ESPNL: variants seen among roughly 807,000 people sequenced by gnomAD.
ESPNL encodes espin like.
In ESPNL, 49 loss-of-function variants were observed where a neutral mutation model predicts 46.8. The observed-to-expected ratio is 1.05, with a 90% CI of 0.83 to 1.33. ESPNL has a LOEUF of 1.33. ESPNL is among the 40% of genes most tolerant of loss of function. ESPNL has a pLI of 0.00. For synonymous variants in ESPNL, 664 were observed against 662.1 expected (o/e 1.00, Z -0.04); for missense variants, 1,540 against 1,436.6 (o/e 1.07, Z -1.16).
rs369619635 is a variant in ESPNL, at chr2:238,130,068, A to G, written c.1414-60A>G. The G allele has an allele frequency of 5.0e-5, 77 of 1,548,008 alleles. 1 individual carries two copies. The South Asian group carries it at 6.6e-4, about 13-fold the overall frequency. On this transcript the variant is annotated intron_variant, in intron 8 of 8. Coordinates refer to ENST00000343063, the MANE Select transcript of ESPNL (RefSeq NM_194312.4). ...CTGAGAACTCAGGGACTTGGAAGCT[A>G]GGTGGGCTGATGGTGGGTGGGTGGG... is the stretch of plus-strand genomic sequence containing the variant.
Position 238,128,837 on chromosome 2 carries a change from G to A in ESPNL, c.1346G>A (p.Trp449Ter). The change falls in exon 8 of 9, where the codon TGG (tryptophan) becomes TAG (stop). Residue 449 changes from tryptophan (W) to a stop codon, truncating the protein, a stop_gained. Transcript: ENST00000343063. LOFTEE classifies it high-confidence loss of function. ...RDERGQPIPE[W>*]KRQVMVRKLQ... ...GAGCGCGGCCAGCCCATCCCAGAGT[G>A]GAAGCGGCAGGTGATGGTGCGGAAG... is the stretch of plus-strand genomic sequence containing the variant. The A allele has an allele frequency of 6.5e-7, 1 of 1,549,444 alleles. No homozygotes were observed. The highest frequency in any genetic ancestry group is 8.7e-7 in the Non-Finnish European group (1 of 1,147,148).
intron 5 of ESPNL, among the ~76,000 whole-genome samples, chr2:238,119,462 A>AAGGAGGAATGGATGGAGGAGGTGGATGG (rs1691931664): frequency 1.3e-5 from 1 of 79,802 alleles, no homozygotes; most frequent in Admixed American, 1.2e-4. Context: ...AGGTTAGATG[A>AAGGAGGAATGGATGGAGGAGGTGGATGG]AGGAGGAATG....
At chr2:238,125,462 T>G in intron 6 of ESPNL, 78 bp downstream of exon 6, 1 of 821,328 alleles carries the variant, frequency 1.2e-6, no homozygotes, top group Non-Finnish European at 1.8e-6. Context: ...TCCGAGGTCC[T>G]GGACCGGTGG....
rs1394176704 is a variant in ESPNL at position 238,131,401 on chromosome 2, C to A, written c.2687C>A (p.Ala896Asp). ...CACCTGGGCACCCACGGCTGGGAGG[C>A]TGTGCGCGCCTTCCACAAGGCCGTG... ...FEHLGTHGWEAVRAFHKAVTD... is the reference protein window; with the variant it reads ...FEHLGTHGWEDVRAFHKAVTD... The change falls in exon 9 of 9, where the codon GCT (alanine) becomes GAT (aspartate). Residue 896 changes from alanine (A) to aspartate (D), a missense_variant. Coordinates refer to ENST00000343063, the MANE Select transcript of ESPNL (RefSeq NM_194312.4). 1.9e-6 allele frequency: 3 copies of A among 1,606,998 alleles called. No individual in the cohort carries two copies. The highest frequency in any genetic ancestry group is 2.5e-6 in the Non-Finnish European group (3 of 1,177,556).
chr2:238,120,537 C>T (rs1691963148), intron 5 of ESPNL, among the ~76,000 whole-genome samples: 3 of 152,276 alleles, frequency 2.0e-5, no homozygotes, highest in South Asian at 2.1e-4. Flanking sequence ...GTGTTAGGCT[C>T]GCCACGTCCT....
chr2:238,103,243 C>T (rs1461121736), intron 2 of ESPNL, among the ~76,000 whole-genome samples: 4 of 152,096 alleles, frequency 2.6e-5, no homozygotes, highest in Admixed American at 6.5e-5. Context: ...GGCAATGTAG[C>T]GAGACCTCCA....
intron 6 of ESPNL, among the ~76,000 whole-genome samples, chr2:238,126,397 A>T (rs1448446106): frequency 3.0e-5 from 4 of 131,692 alleles, no homozygotes; most frequent in Non-Finnish European, 3.2e-5. Flanking sequence ...TCTCTGTATG[A>T]TTATGCCTGT....
intron 5 of ESPNL, among the ~76,000 whole-genome samples, chr2:238,117,539 C>T (rs1691843994): frequency 6.6e-6 from 1 of 152,194 alleles, no homozygotes; most frequent in African/African-American, 2.4e-5. Context: ...CGGAACCTCC[C>T]AGAGGTGATC....
intron 4 of ESPNL, among the ~76,000 whole-genome samples, chr2:238,109,011 C>T (rs1229296431): frequency 6.6e-6 from 1 of 152,234 alleles, no homozygotes; most frequent in Non-Finnish European, 1.5e-5. Flanking sequence ...CACCATCCCC[C>T]GTCCACTCAG....
chr2:238,117,069 T>TG (rs752054924), intron 5 of ESPNL, 35 bp downstream of exon 5: 23 of 1,582,840 alleles, frequency 1.5e-5, no homozygotes, highest in Non-Finnish European at 7.7e-6. Context: ...CCTGGAGGCA[T>TG]GGGGGGTGGG....
intron 8 of ESPNL, 102 bp from the exon 9 acceptor site, chr2:238,130,026 G>A (rs892224982): frequency 6.1e-6 from 8 of 1,321,286 alleles, no homozygotes; most frequent in Non-Finnish European, 8.3e-6. Context: ...GGCAGGACCA[G>A]AGGCTCTGCA....
chr2:238,128,731 G>A lies in ESPNL; in HGVS notation c.1240G>A (p.Asp414Asn). Residue 414 changes from aspartate to asparagine, a missense_variant, in exon 8 of 9, where the codon GAC becomes AAC. Coordinates refer to ENST00000343063, the MANE Select transcript of ESPNL (RefSeq NM_194312.4). ...GGGGACAGAGACGGCGCTGGCGGGG[G>A]ACACCTCAGATGGCCTGGCCGCACT... Reference protein sequence around the residue: ...PEGTETALAGDTSDGLAALQL... With the variant: ...PEGTETALAGNTSDGLAALQL... 6.2e-7 allele frequency: 1 copy of A among 1,602,172 alleles called. No homozygotes were observed. The highest frequency in any genetic ancestry group is 1.7e-5 in the Admixed American group (1 of 58,862).
At chr2:238,127,391 C>CGGCACA (rs2106478374) in intron 6 of ESPNL, 1 of 1,308,474 alleles carries the variant, frequency 7.6e-7, no homozygotes, top group Admixed American at 4.0e-5. Context: ...CGTGGCCCAG[C>CGGCACA]GGTGTGCCGC....
In ESPNL at chr2:238,130,207, T is replaced by C. The variant is rs372145864; in HGVS notation, c.1493T>C (p.Phe498Ser). 8.7e-6 allele frequency: 14 copies of C among 1,612,204 alleles called. No homozygotes were observed. In the African/African-American group the frequency reaches 9.3e-5, roughly 11 times the overall value. The part of the protein sequence containing the change: ...SQTHQAILGP[F>S]GELLTEDDLV... ...ACTCATCAGGCCATCCTGGGGCCCT[T>C]TGGGGAGCTGCTGACAGAGGATGAC... The change falls in exon 9 of 9, where the codon TTT becomes TCT. Residue 498 changes from phenylalanine (F) to serine (S), a missense_variant. Phe to Ser is a radical substitution (Grantham distance 155). Coordinates refer to ENST00000343063, the MANE Select transcript of ESPNL (RefSeq NM_194312.4).
intron 4 of ESPNL, among the ~76,000 whole-genome samples, chr2:238,108,809 G>T (rs1422092433): frequency 6.6e-6 from 1 of 152,174 alleles, no homozygotes; most frequent in African/African-American, 2.4e-5. Context: ...TCTTCCTGGG[G>T]CCCCGGGTCA....
rs544364510 is a variant in ESPNL, at chr2:238,128,175, C to T, written c.1215+441C>T. On this transcript the variant is annotated intron_variant, in intron 7 of 8. Coordinates refer to ENST00000343063, the MANE Select transcript of ESPNL (RefSeq NM_194312.4). ...TACTCTCCCTTTCCTGGGCGCCGGG[C>T]CCTTAGAAAGCCAGCCCAGACTTTC... 2.6e-5 allele frequency among the ~76,000 whole-genome samples: 4 copies of T among 152,302 alleles called. No individual in the cohort carries two copies. In the East Asian group the frequency reaches 7.7e-4, roughly 29 times the overall value.
chr2:238,106,237 T>C (rs146165217), intron 3 of ESPNL, among the ~76,000 whole-genome samples: 1 of 151,778 alleles, frequency 6.6e-6, no homozygotes, highest in Non-Finnish European at 1.5e-5. Flanking sequence ...ACTGAAGCAA[T>C]GGGTGGGCAA....
rs538666213 is a variant in ESPNL, at chr2:238,105,710, G to C, written c.672+868G>C. Among the ~76,000 whole-genome samples the C allele has an allele frequency of 2.4e-3, 363 of 152,230 alleles. 2 individuals carry two copies. The highest frequency in any genetic ancestry group is 4.4e-3 in the Non-Finnish European group (296 of 67,998). On this transcript the variant is annotated intron_variant, in intron 3 of 8. Transcript: ENST00000343063. Reference sequence around the variant, plus strand: ...GCGGGCAGGAAAGGCAGACAGAGGCGCTGGGAGGACCGGGGCTCTTTCCTG... The same window carrying C: ...GCGGGCAGGAAAGGCAGACAGAGGCCCTGGGAGGACCGGGGCTCTTTCCTG...
At chr2:238,116,281 C>T (rs1035468049) in intron 4 of ESPNL, among the ~76,000 whole-genome samples, 1 of 152,244 alleles carries the variant, frequency 6.6e-6, no homozygotes, top group Non-Finnish European at 1.5e-5. Flanking sequence ...CTCCCCTCTT[C>T]CTCCCCATTC....
Sources: allele counts gnomAD v4.1 joint callset (sites outside exome capture counted in the v4.1 genomes callset), GRCh38; gene constraint gnomAD v4.1.1; transcripts MANE v1.5; gene names NCBI Gene and HGNC (gene_info 2026-07-23, HGNC 2026-07-21).